Variants in KCNQ3 observed in about 807,000 individuals in gnomAD.
KCNQ3 encodes potassium voltage-gated channel subfamily KQT member 3.
In KCNQ3, 30 loss-of-function variants were observed where a neutral mutation model predicts 92.5. That is an observed-to-expected ratio of 0.32 (90% CI 0.24 to 0.44). KCNQ3 has a LOEUF of 0.44. Among genes scored for constraint, KCNQ3 ranks in the 20% least tolerant of loss-of-function variants. The pLI, the probability that KCNQ3 is intolerant of heterozygous loss-of-function variation, is 1.00. For synonymous variants in KCNQ3, 450 were observed against 468.8 expected (o/e 0.96, Z 0.52); for missense variants, 913 against 1,140.3 (o/e 0.80, Z 2.87).
At chr8:132,366,359 T>C (rs1819321746) in intron 1 of KCNQ3, among the ~76,000 whole-genome samples, 1 of 152,188 alleles carries the variant, frequency 6.6e-6, no homozygotes, top group Non-Finnish European at 1.5e-5. Context: ...TTGATTTAAG[T>C]TTTCCAGGCA....
At chr8:132,132,705 T>G (rs1180444341) in intron 13 of KCNQ3, among the ~76,000 whole-genome samples, 5 of 152,292 alleles carry the variant, frequency 3.3e-5, no homozygotes, top group East Asian at 1.9e-4. Context: ...GGTATAAATA[T>G]TTCATCTGGC....
At chr8:132,156,809 T>C (rs1254688067) in intron 9 of KCNQ3, among the ~76,000 whole-genome samples, 1 of 152,132 alleles carries the variant, frequency 6.6e-6, no homozygotes, top group Non-Finnish European at 1.5e-5. Context: ...CAAGTAAAGA[T>C]GAGGGCATAT....
Position 132,480,723 on chromosome 8 carries a change from G to A in KCNQ3, c.-191C>T, listed in dbSNP as rs1193157811. 4.6e-5 allele frequency: 21 copies of A among 455,440 alleles called. No individual in the cohort carries two copies. The highest frequency in any genetic ancestry group is 5.8e-5 in the Non-Finnish European group (20 of 347,224). 28.2% of individuals were successfully genotyped at this position (455,440 alleles called of 1,614,324 possible). On this transcript the variant is annotated 5_prime_UTR_variant, in exon 1 of 15. Coordinates refer to ENST00000388996, the MANE Select transcript of KCNQ3 (RefSeq NM_004519.4). ...GCCCCCTGGGGGGCAGGGGAGGCCAGGCAGGGGGTCAGGGGGTCACATCCC... is the reference window on the plus strand; with the variant it reads ...GCCCCCTGGGGGGCAGGGGAGGCCAAGCAGGGGGTCAGGGGGTCACATCCC...
chr8:132,219,843 T>C (rs1341504825), intron 1 of KCNQ3, among the ~76,000 whole-genome samples: 2 of 152,176 alleles, frequency 1.3e-5, no homozygotes, highest in Non-Finnish European at 2.9e-5. Context: ...TACAAGATTT[T>C]GCTACTAAAG....
chr8:132,244,604 C>T (rs1815101857), intron 1 of KCNQ3, among the ~76,000 whole-genome samples: 1 of 152,160 alleles, frequency 6.6e-6, no homozygotes, highest in South Asian at 2.1e-4. Context: ...TCTCCATTTA[C>T]TTTCTAAAAA....
intron 1 of KCNQ3, among the ~76,000 whole-genome samples, chr8:132,205,097 G>T (rs907754516): frequency 1.3e-5 from 2 of 152,112 alleles, no homozygotes; most frequent in African/African-American, 4.8e-5. Context: ...CATTTTTATT[G>T]ATGTCTTCCT....
intron 1 of KCNQ3, among the ~76,000 whole-genome samples, chr8:132,404,881 T>G (rs1172685222): frequency 6.6e-6 from 1 of 152,228 alleles, no homozygotes; most frequent in Non-Finnish European, 1.5e-5. Context: ...GTCCTGATTT[T>G]TCAGTGTGGG....
chr8:132,196,312 A>G (rs891274447), intron 1 of KCNQ3, among the ~76,000 whole-genome samples: 1 of 152,208 alleles, frequency 6.6e-6, no homozygotes, highest in African/African-American at 2.4e-5. Context: ...GTCCCCTAGG[A>G]GCTAATTGTT....
chr8:132,236,850 C>G (rs1163888461), intron 1 of KCNQ3, among the ~76,000 whole-genome samples: 1 of 152,204 alleles, frequency 6.6e-6, no homozygotes, highest in Non-Finnish European at 1.5e-5. Flanking sequence ...ATTGCTAGCT[C>G]TGAAGATGAA....
chr8:132,393,082 T>C (rs999088418), intron 1 of KCNQ3, among the ~76,000 whole-genome samples: 1 of 152,188 alleles, frequency 6.6e-6, no homozygotes, highest in Non-Finnish European at 1.5e-5. Flanking sequence ...ACTGCTCTCC[T>C]ACCCTTCCCC....
intron 8 of KCNQ3, among the ~76,000 whole-genome samples, chr8:132,167,171 T>A (rs1488328071): frequency 6.6e-6 from 1 of 152,122 alleles, no homozygotes; most frequent in Admixed American, 6.5e-5. Flanking sequence ...AAACCATGCA[T>A]AAAAGAAAGA....
intron 1 of KCNQ3, among the ~76,000 whole-genome samples, chr8:132,207,146 T>A (rs1289595086): frequency 2.0e-5 from 3 of 152,242 alleles, no homozygotes; most frequent in Admixed American, 2.0e-4. Flanking sequence ...AGATTTTCTT[T>A]AAGACCAACT....
At chr8:132,221,159 T>C (rs1474651481) in intron 1 of KCNQ3, among the ~76,000 whole-genome samples, 1 of 152,262 alleles carries the variant, frequency 6.6e-6, no homozygotes, top group Non-Finnish European at 1.5e-5. Flanking sequence ...TCCTTTTTTA[T>C]GGCTGCATAG....
At chr8:132,403,272 C>T (rs1315198820) in intron 1 of KCNQ3, among the ~76,000 whole-genome samples, 4 of 152,124 alleles carry the variant, frequency 2.6e-5, no homozygotes, top group Non-Finnish European at 2.9e-5. Context: ...ACCTTGGGCC[C>T]TCCTGTGGAT....
chr8:132,249,539 G>A (rs1176958436), intron 1 of KCNQ3, among the ~76,000 whole-genome samples: 1 of 152,192 alleles, frequency 6.6e-6, no homozygotes, highest in East Asian at 1.9e-4. Flanking sequence ...CAATCCCTTA[G>A]CTAGACATAA....
At chr8:132,320,865 C>G (rs976106527) in intron 1 of KCNQ3, among the ~76,000 whole-genome samples, 1 of 152,240 alleles carries the variant, frequency 6.6e-6, no homozygotes, top group African/African-American at 2.4e-5. Context: ...CAGAAGCCCT[C>G]TATTCACGTG....
intron 1 of KCNQ3, among the ~76,000 whole-genome samples, chr8:132,315,383 G>A (rs921781994): frequency 6.6e-6 from 1 of 152,078 alleles, no homozygotes; most frequent in Non-Finnish European, 1.5e-5. Context: ...CTGCCTGGGG[G>A]GCCGTAGGGT....
intron 1 of KCNQ3, among the ~76,000 whole-genome samples, chr8:132,276,479 G>C (rs1350854661): frequency 6.6e-6 from 1 of 152,118 alleles, no homozygotes; most frequent in Non-Finnish European, 1.5e-5. Flanking sequence ...TGGGCTCTGA[G>C]ACTTTCTGCT....
At chr8:132,362,564 G>T (rs553521818) in intron 1 of KCNQ3, among the ~76,000 whole-genome samples, 27 of 152,300 alleles carry the variant, frequency 1.8e-4, no homozygotes, top group Non-Finnish European at 3.8e-4. Flanking sequence ...TGGGACAAAT[G>T]TTCTAGCAGG....
Sources: gnomAD v4.1 joint callset for allele counts (sites outside exome capture counted in the v4.1 genomes callset) on GRCh38, gnomAD v4.1.1 for gene constraint, MANE v1.5 for transcripts, NCBI Gene and HGNC (gene_info 2026-07-23, HGNC 2026-07-21) for gene names.